Variants in TSHZ3 observed in about 807,000 individuals in gnomAD.
TSHZ3 encodes teashirt zinc finger homeobox 3, also known as teashirt homolog 3.
A neutral mutation model predicts 64.5 loss-of-function variants in TSHZ3; 10 were observed. The observed-to-expected ratio is 0.16, with a 90% CI of 0.10 to 0.26. The LOEUF is 0.26. Among genes scored for constraint, TSHZ3 ranks in the 10% least tolerant of loss-of-function variants. TSHZ3 has a pLI of 1.00. For missense variants in TSHZ3, 1,242 were observed against 1,421.7 expected (o/e 0.87, Z 2.03); for synonymous variants, 608 against 593.1 (o/e 1.03, Z -0.36).
At chr19:31,347,015 T>C (rs2021537329) in intron 1 of TSHZ3, among the ~76,000 whole-genome samples, 1 of 152,056 alleles carries the variant, frequency 6.6e-6, no homozygotes, top group African/African-American at 2.4e-5. Context: ...CATTAAGCTA[T>C]TGATGAATGT....
chr19:31,266,846 C>G (rs1976059723), intron 1 of TSHZ3, among the ~76,000 whole-genome samples: 1 of 152,210 alleles, frequency 6.6e-6, no homozygotes, highest in African/African-American at 2.4e-5. Context: ...AGAGGGACAT[C>G]TAGGGACCAA....
At chr19:31,265,152 G>T (rs7257382) in intron 1 of TSHZ3, among the ~76,000 whole-genome samples, 55,343 of 151,682 alleles carry the variant, frequency 0.36, 15,827 homozygotes, top group African/African-American at 0.79. Context: ...ATCCTAGCAC[G>T]TTGGGAGGCT....
chr19:31,330,430 G>A (rs911805770), intron 1 of TSHZ3, among the ~76,000 whole-genome samples: 2 of 152,206 alleles, frequency 1.3e-5, no homozygotes, highest in Non-Finnish European at 2.9e-5. Context: ...CTGGCCTGAC[G>A]GCTCCCAATG....
rs772279527 is a variant in TSHZ3 at position 31,278,155 on chromosome 19, G to T, written c.1638C>A (p.Gly546=). Residue 546 remains glycine, a synonymous_variant, in exon 2 of 2, where the codon GGC becomes GGA. Coordinates refer to ENST00000240587, the MANE Select transcript of TSHZ3 (RefSeq NM_020856.4). This position sits in a 1 kb window ranked among gnomAD's most constrained non-coding sequence, Gnocchi z 4.7. ...KAQNGTPSWG[G]YPSIHAAYQL... ...GGTAGGCGGCATGGATGCTGGGATA[G>T]CCCCCCCAGCTAGGAGTGCCGTTCT... 47 of 1,613,922 alleles carry T rather than the reference G, an allele frequency of 2.9e-5. No individual in the cohort carries two copies. Among genetic ancestry groups the T allele is most frequent in the Non-Finnish European group, 3.9e-5 (46 of 1,180,002 alleles).
intron 1 of TSHZ3, among the ~76,000 whole-genome samples, chr19:31,306,022 T>C (rs947699769): frequency 6.6e-5 from 10 of 152,194 alleles, no homozygotes; most frequent in East Asian, 1.9e-4. Flanking sequence ...TTCATTTACA[T>C]AGAAGTTTGG....
chr19:31,298,009 C>T (rs1976692747), intron 1 of TSHZ3, among the ~76,000 whole-genome samples: 1 of 152,166 alleles, frequency 6.6e-6, no homozygotes, highest in South Asian at 2.1e-4. Flanking sequence ...CAGTGGGCCA[C>T]CACCTCGGGC....
At chr19:31,173,290 A>G (rs1974562848) in intron 5 of TSHZ3, among the ~76,000 whole-genome samples, 1 of 152,200 alleles carries the variant, frequency 6.6e-6, no homozygotes, top group African/African-American at 2.4e-5. Flanking sequence ...AGGAGACAAG[A>G]TGACTTCCAG....
chr19:31,346,331 T>C (rs542690679), intron 1 of TSHZ3, among the ~76,000 whole-genome samples: 8 of 152,208 alleles, frequency 5.3e-5, no homozygotes, highest in South Asian at 4.2e-4. Context: ...CAGCAGAAAA[T>C]TGAGTTAATG....
chr19:31,346,665 G>A (rs1350578453), intron 1 of TSHZ3, among the ~76,000 whole-genome samples: 1 of 151,978 alleles, frequency 6.6e-6, no homozygotes, highest in African/African-American at 2.4e-5. Flanking sequence ...TCAGTACAAA[G>A]CAATCAATTT....
chr19:31,267,782 A>T (rs1976074802), intron 1 of TSHZ3, among the ~76,000 whole-genome samples: 1 of 152,134 alleles, frequency 6.6e-6, no homozygotes, highest in African/African-American at 2.4e-5. Flanking sequence ...CTCCTTTGGG[A>T]TCATTGCCAA....
intron 1 of TSHZ3, among the ~76,000 whole-genome samples, chr19:31,243,768 C>T (rs936301454): frequency 1.3e-5 from 2 of 152,058 alleles, no homozygotes; most frequent in African/African-American, 4.8e-5. Context: ...AGCTGGGTCC[C>T]CTCTCTGTGA....
At chr19:31,320,876 A>C (rs1916749896) in intron 1 of TSHZ3, among the ~76,000 whole-genome samples, 1 of 152,142 alleles carries the variant, frequency 6.6e-6, no homozygotes, top group Admixed American at 6.6e-5. Flanking sequence ...AGTCCTGCGC[A>C]GTGTTCAATT....
At chr19:31,188,400 G>A (rs1406417123) in intron 5 of TSHZ3, among the ~76,000 whole-genome samples, 2 of 151,754 alleles carry the variant, frequency 1.3e-5, no homozygotes, top group Non-Finnish European at 2.9e-5. Flanking sequence ...AAACCCTCCA[G>A]TACAGTTTAG....
intron 4 of TSHZ3, among the ~76,000 whole-genome samples, chr19:31,217,027 G>C (rs958509943): frequency 1.5e-4 from 22 of 151,572 alleles, no homozygotes; most frequent in Non-Finnish European, 2.9e-5. Context: ...TCGAACTCCT[G>C]ACCTCAGGTG....
Position 31,157,191 on chromosome 19 carries a change from G to A in TSHZ3, n.810-774C>T, listed in dbSNP as rs560673940. ...CATGAAATGTGTTCTAGTGGTGCTT[G>A]TAATACAAGAAAATGATGGCAAGCT... is the stretch of plus-strand genomic sequence containing the variant. On this transcript the variant is annotated intron_variant and non_coding_transcript_variant, in intron 5 of 6. Coordinates refer to the TSHZ3 transcript ENST00000651361. Among the ~76,000 whole-genome samples, 12 of 152,234 alleles carry A rather than the reference G, an allele frequency of 7.9e-5. No individual in the cohort carries two copies. In the South Asian group the frequency reaches 1.7e-3, roughly 21 times the overall value.
intron 1 of TSHZ3, among the ~76,000 whole-genome samples, chr19:31,284,459 C>T (rs768671494): frequency 4.6e-5 from 7 of 152,122 alleles, no homozygotes; most frequent in Non-Finnish European, 7.4e-5. Context: ...CCACTGGGCT[C>T]GGAAGAAGAT....
In TSHZ3 at chr19:31,158,997, G is replaced by A. The variant is rs866735188; in HGVS notation, n.810-2580C>T. The stretch of plus-strand genomic sequence containing the variant: ...TTTCTCTTATGCCTCCCTCTTCTAC[G>A]TTTGTTTGTTTGTTTGTTTTGAGAC... On this transcript the variant is annotated intron_variant and non_coding_transcript_variant, in intron 5 of 6. Transcript: ENST00000651361. Among the ~76,000 whole-genome samples the A allele has an allele frequency of 1.4e-4, 20 of 144,178 alleles. No homozygotes were observed. In the South Asian group the frequency reaches 2.6e-3, roughly 19 times the overall value. 94.6% of individuals were successfully genotyped at this position (144,178 alleles called of 152,430 possible).
chr19:31,233,737 A>G (rs1389964178), intron 3 of TSHZ3, among the ~76,000 whole-genome samples: 7 of 152,112 alleles, frequency 4.6e-5, no homozygotes, highest in Admixed American at 6.6e-5. Flanking sequence ...CCTACGACTC[A>G]TTTCAAATTA....
chr19:31,214,394 G>C (rs1222080331), intron 4 of TSHZ3, among the ~76,000 whole-genome samples: 1 of 152,242 alleles, frequency 6.6e-6, no homozygotes, highest in Non-Finnish European at 1.5e-5. Context: ...GGTGCAGGAA[G>C]TGACTCTGCC....
Sources: gnomAD v4.1 joint callset for allele counts (sites outside exome capture counted in the v4.1 genomes callset) on GRCh38, gnomAD v4.1.1 for gene constraint, Gnocchi (gnomAD v3.1) non-coding constraint, MANE v1.5 for transcripts, NCBI Gene and HGNC (gene_info 2026-07-23, HGNC 2026-07-21) for gene names.